Variants in NEDD9 observed in about 807,000 individuals in gnomAD.
NEDD9 encodes neural precursor cell expressed, developmentally down-regulated 9.
Under a neutral mutation model 76.6 loss-of-function variants are expected in NEDD9, and 26 were observed. The ratio of observed to expected loss-of-function variants is 0.34; its 90% CI spans 0.25 to 0.47. NEDD9 has a LOEUF of 0.47. Among genes scored for constraint, NEDD9 ranks in the 20% least tolerant of loss-of-function variants. The pLI, the probability that NEDD9 is intolerant of heterozygous loss-of-function variation, is 1.00. For missense variants in NEDD9, 937 were observed against 1,058.5 expected, an observed-to-expected ratio of 0.89 and a Z score of 1.59; for synonymous variants, 392 against 414.2, an observed-to-expected ratio of 0.95 and a Z score of 0.65.
chr6:11,324,201 G>A (rs959006324), intron 2 of NEDD9, among the ~76,000 whole-genome samples: 5 of 152,132 alleles, frequency 3.3e-5, no homozygotes, highest in African/African-American at 9.7e-5. Flanking sequence ...TGACACTGCC[G>A]GCTGAGTGTC....
chr6:11,339,746 A>G (rs183796219), intron 1 of NEDD9, among the ~76,000 whole-genome samples: 6 of 152,352 alleles, frequency 3.9e-5, no homozygotes, highest in Admixed American at 3.3e-4. Flanking sequence ...ATTCTGCTGC[A>G]CTGAGATTTC....
upstream of NEDD9, among the ~76,000 whole-genome samples, chr6:11,234,272 C>T (rs1027195984): frequency 1.3e-5 from 2 of 152,148 alleles, no homozygotes; most frequent in Non-Finnish European, 2.9e-5. Flanking sequence ...ACCGGAGAGT[C>T]GTTAGTTTGC....
intron 1 of NEDD9, among the ~76,000 whole-genome samples, chr6:11,357,463 A>G (rs868618367): frequency 2.0e-5 from 3 of 152,188 alleles, no homozygotes; most frequent in Admixed American, 6.5e-5. Context: ...CACACCCCAA[A>G]TAAAGTTAGA....
chr6:11,336,177 GT>G (rs1762156835), intron 1 of NEDD9, among the ~76,000 whole-genome samples: 1 of 152,222 alleles, frequency 6.6e-6, no homozygotes, highest in African/African-American at 2.4e-5. Context: ...GGAGTTAACG[GT>G]TTTCTTTCTG....
intron 3 of NEDD9, among the ~76,000 whole-genome samples, chr6:11,281,969 C>A (rs891586907): frequency 6.6e-6 from 1 of 151,506 alleles, no homozygotes. Context: ...GATCTCCTGG[C>A]CTCAAGTGAT....
chr6:11,237,480 A>AG (rs1157424975), upstream of NEDD9, among the ~76,000 whole-genome samples: 1 of 152,212 alleles, frequency 6.6e-6, no homozygotes, highest in Non-Finnish European at 1.5e-5. The surrounding 1 kb of genome is among the most constrained non-coding windows in gnomAD (Gnocchi z 4.9). Flanking sequence ...AAATGGTGTT[A>AG]GGATGCACCT....
chr6:11,255,385 C>A (rs541075004), intron 3 of NEDD9, among the ~76,000 whole-genome samples: 1 of 152,144 alleles, frequency 6.6e-6, no homozygotes, highest in Non-Finnish European at 1.5e-5. Context: ...TAAAGAACTA[C>A]GTAAAAGAAA....
At chr6:11,232,805 T>C (rs1000310996), upstream of NEDD9, 3 of 980,060 alleles carry the variant, frequency 3.1e-6, no homozygotes, top group Non-Finnish European at 4.2e-6. Flanking sequence ...ACTTGTAATG[T>C]GATCGCTTCT....
chr6:11,220,039 A>G (rs764906087), intron 1 of NEDD9, among the ~76,000 whole-genome samples: 1 of 152,186 alleles, frequency 6.6e-6, no homozygotes, highest in Non-Finnish European at 1.5e-5. Flanking sequence ...ATAATATAAG[A>G]TATGCTAATT....
intron 2 of NEDD9, among the ~76,000 whole-genome samples, chr6:11,331,094 C>T (rs1582033874): frequency 6.6e-6 from 1 of 152,140 alleles, no homozygotes; most frequent in African/African-American, 2.4e-5. Context: ...CAAACCAAAC[C>T]CAAAATGCTC....
At chr6:11,287,165 G>T (rs1012665225) in intron 3 of NEDD9, among the ~76,000 whole-genome samples, 1 of 152,206 alleles carries the variant, frequency 6.6e-6, no homozygotes, top group Non-Finnish European at 1.5e-5. Context: ...GGTGGCTCAC[G>T]CTTTTAGTCT....
At chr6:11,246,893 A>C (rs1361661649) in intron 3 of NEDD9, among the ~76,000 whole-genome samples, 1 of 152,142 alleles carries the variant, frequency 6.6e-6, no homozygotes, top group Non-Finnish European at 1.5e-5. Flanking sequence ...GTTCAGACGC[A>C]TCAGAATGAA....
intron 1 of NEDD9, among the ~76,000 whole-genome samples, chr6:11,346,000 C>T (rs986803657): frequency 3.3e-5 from 5 of 152,222 alleles, no homozygotes. Context: ...CAGGACCTCC[C>T]TATCTAAGGC....
At chr6:11,256,656 G>T (rs1370819135) in intron 3 of NEDD9, among the ~76,000 whole-genome samples, 1 of 152,070 alleles carries the variant, frequency 6.6e-6, no homozygotes, top group Non-Finnish European at 1.5e-5. Context: ...TAGAGACAGG[G>T]TTTCGCCATG....
chr6:11,233,523 A>G (rs1287968815), upstream of NEDD9: 6 of 518,666 alleles, frequency 1.2e-5, no homozygotes, highest in Non-Finnish European at 7.7e-6. Context: ...TGAACACTGC[A>G]GTGTTTTTCC....
intron 3 of NEDD9, among the ~76,000 whole-genome samples, chr6:11,239,129 T>G (rs1759661672): frequency 1.3e-5 from 2 of 152,158 alleles, no homozygotes; most frequent in Non-Finnish European, 2.9e-5. Context: ...TTTGTGCCAC[T>G]GCACTGCAGC....
At chr6:11,325,724 G>A (rs1400874428) in intron 2 of NEDD9, among the ~76,000 whole-genome samples, 1 of 152,122 alleles carries the variant, frequency 6.6e-6, no homozygotes, top group Non-Finnish European at 1.5e-5. Context: ...TCCTGCTTTT[G>A]AAAAAGGGCT....
rs889065632 is a variant in NEDD9 at position 11,252,090 on chromosome 6, T to C, written c.13-38363A>G. On this transcript the variant is annotated intron_variant, in intron 3 of 3. Transcript: ENST00000397378. This position sits in a 1 kb window ranked among gnomAD's most constrained non-coding sequence, Gnocchi z 4.3. ...GTCACACACAGATTATATTTTGCTG[T>C]CCCATGTGAATCAGAGCTTGTGTTA... Among the ~76,000 whole-genome samples the C allele has an allele frequency of 9.9e-5, 15 of 152,204 alleles. No homozygotes were observed. The highest frequency in any genetic ancestry group is 3.6e-4 in the African/African-American group (15 of 41,444).
intron 1 of NEDD9, among the ~76,000 whole-genome samples, chr6:11,342,415 T>C (rs1762292067): frequency 6.6e-6 from 1 of 151,946 alleles, no homozygotes; most frequent in Non-Finnish European, 1.5e-5. Flanking sequence ...TAAAGTAGAA[T>C]GTTAAAAGCA....
Sources: gnomAD v4.1 joint callset for allele counts (sites outside exome capture counted in the v4.1 genomes callset) on GRCh38, gnomAD v4.1.1 for gene constraint, Gnocchi (gnomAD v3.1) non-coding constraint, MANE v1.5 for transcripts, NCBI Gene and HGNC (gene_info 2026-07-23, HGNC 2026-07-21) for gene names.